The following PRELID2 variants were observed in gnomAD, a reference collection of about 807,000 sequenced individuals.
The protein encoded by PRELID2 is PRELI domain-containing protein 2.
A neutral mutation model predicts 28.4 loss-of-function variants in PRELID2; 25 were observed. That is an observed-to-expected ratio of 0.88 (90% CI 0.64 to 1.23). PRELID2 has a LOEUF of 1.23. Ranked by LOEUF, PRELID2 falls within the 50% of genes most tolerant of loss-of-function variation. The pLI, the probability that PRELID2 is intolerant of heterozygous loss-of-function variation, is 0.00. For missense variants in PRELID2, 201 were observed against 214.4 expected (o/e 0.94, Z 0.39); for synonymous variants, 76 against 71.6 (o/e 1.06, Z -0.31).
chr5:145,691,982 A>G (rs933094832), intron 1 of PRELID2, among the ~76,000 whole-genome samples: 2 of 152,078 alleles, frequency 1.3e-5, no homozygotes, highest in Admixed American at 1.3e-4. Context: ...CACCTGATGA[A>G]TGCATCCTTC....
chr5:145,559,490 T>C (rs981388761), intron 1 of PRELID2, among the ~76,000 whole-genome samples: 1 of 152,190 alleles, frequency 6.6e-6, no homozygotes, highest in South Asian at 2.1e-4. Context: ...ATGTGTCATA[T>C]ATGTGCACAT....
intron 1 of PRELID2, among the ~76,000 whole-genome samples, chr5:145,612,605 G>A (rs1228459720): frequency 2.6e-5 from 4 of 151,722 alleles, no homozygotes; most frequent in Admixed American, 1.3e-4. Context: ...TTTATCCCTC[G>A]CCCTCCTTCC....
chr5:145,383,784 T>G, the PRELID2 span, among the ~76,000 whole-genome samples: 1 of 151,800 alleles, frequency 6.6e-6, no homozygotes, highest in Non-Finnish European at 1.5e-5. Flanking sequence ...AAACATTTCT[T>G]AAAGAGAAGA....
chr5:145,427,852 A>T, the PRELID2 span, among the ~76,000 whole-genome samples: 34 of 152,302 alleles, frequency 2.2e-4, no homozygotes, highest in Middle Eastern at 3.4e-3. Flanking sequence ...GGGACAGAAA[A>T]CCAGGATATT....
At chr5:145,250,216 G>A in the PRELID2 span, among the ~76,000 whole-genome samples, 2 of 152,004 alleles carry the variant, frequency 1.3e-5, no homozygotes, top group African/African-American at 2.4e-5. Context: ...GACAACCTTC[G>A]TCAGCATGAA....
chr5:145,733,987 C>T (rs917907778), intron 1 of PRELID2, among the ~76,000 whole-genome samples: 5 of 152,104 alleles, frequency 3.3e-5, no homozygotes, highest in African/African-American at 1.2e-4. Context: ...TGGGGAAGGA[C>T]TGAAGATGGA....
the PRELID2 span, among the ~76,000 whole-genome samples, chr5:145,400,568 TCCGAGGTAGCAGGTTACCCCCAGGAA>T: frequency 6.6e-6 from 1 of 152,222 alleles, no homozygotes; most frequent in South Asian, 2.1e-4. Context: ...AATGACTAAT[TCCGAGGTAGCAGGTTACCCCCAGGAA>T]CATACATCAT....
the PRELID2 span, among the ~76,000 whole-genome samples, chr5:145,370,236 G>A: frequency 6.6e-6 from 1 of 151,984 alleles, no homozygotes; most frequent in Non-Finnish European, 1.5e-5. Context: ...TTTCCTTCTA[G>A]GGTTTTTTTA....
At chr5:145,522,465 G>A (rs1752571369) in intron 1 of PRELID2, among the ~76,000 whole-genome samples, 1 of 152,008 alleles carries the variant, frequency 6.6e-6, no homozygotes, top group Non-Finnish European at 1.5e-5. Context: ...GAGAGAAAAT[G>A]AGAGAGGCAC....
At chr5:145,833,258 T>C (rs1274327546) in intron 1 of PRELID2, among the ~76,000 whole-genome samples, 1 of 152,152 alleles carries the variant, frequency 6.6e-6, no homozygotes, top group Non-Finnish European at 1.5e-5. Flanking sequence ...ACACAACACA[T>C]ACAGAAGTCA....
chr5:145,460,532 A>G, the PRELID2 span, among the ~76,000 whole-genome samples: 1 of 152,144 alleles, frequency 6.6e-6, no homozygotes, highest in South Asian at 2.1e-4. Context: ...CAACTTTACA[A>G]TCATTTACTA....
chr5:145,689,357 C>T (rs147497524), intron 1 of PRELID2, among the ~76,000 whole-genome samples: 21 of 152,198 alleles, frequency 1.4e-4, no homozygotes, highest in Admixed American at 5.9e-4. Context: ...AGTGACACTG[C>T]CAAGGAGAAG....
chr5:145,651,319 C>T (rs944825460), intron 1 of PRELID2, among the ~76,000 whole-genome samples: 1 of 152,146 alleles, frequency 6.6e-6, no homozygotes, highest in African/African-American at 2.4e-5. Context: ...TCTGTAGACT[C>T]CACCTCTGGA....
chr5:145,645,731 T>C (rs1437224529), intron 1 of PRELID2, among the ~76,000 whole-genome samples: 1 of 152,222 alleles, frequency 6.6e-6, no homozygotes, highest in Non-Finnish European at 1.5e-5. Flanking sequence ...GGCCTGGTGA[T>C]GACACAATCT....
chr5:145,408,126 A>G, the PRELID2 span, among the ~76,000 whole-genome samples: 2 of 151,920 alleles, frequency 1.3e-5, no homozygotes, highest in Non-Finnish European at 2.9e-5. Flanking sequence ...GAATTACCCC[A>G]TGGCAGAAAA....
chr5:145,367,038 A>T, the PRELID2 span, among the ~76,000 whole-genome samples: 2 of 151,872 alleles, frequency 1.3e-5, no homozygotes, highest in Non-Finnish European at 2.9e-5. Context: ...CATCTAGTGA[A>T]ATCCAGTCAC....
chr5:145,310,154 C>A, the PRELID2 span, among the ~76,000 whole-genome samples: 1 of 152,098 alleles, frequency 6.6e-6, no homozygotes, highest in Non-Finnish European at 1.5e-5. Flanking sequence ...AAATGTAAAG[C>A]ATTTAGAAGG....
intron 6 of PRELID2, among the ~76,000 whole-genome samples, chr5:145,760,837 GC>G (rs35952346): frequency 1.3e-5 from 2 of 152,192 alleles, no homozygotes; most frequent in African/African-American, 4.8e-5. Flanking sequence ...TCTCCCAACT[GC>G]CAGTGGCAAG....
intron 1 of PRELID2, among the ~76,000 whole-genome samples, chr5:145,730,895 A>G (rs1756324985): frequency 6.6e-6 from 1 of 152,080 alleles, no homozygotes. Context: ...GCCTGCCCCA[A>G]GGCAAACTCC....
Sources: allele counts gnomAD v4.1 joint callset (sites outside exome capture counted in the v4.1 genomes callset), GRCh38; gene constraint gnomAD v4.1.1; transcripts MANE v1.5; gene names NCBI Gene and HGNC (gene_info 2026-07-23, HGNC 2026-07-21).